The following ASH1L variants were observed in gnomAD, a reference collection of about 807,000 sequenced individuals.
ASH1L encodes the protein ASH1 like histone lysine methyltransferase.
In ASH1L, 23 loss-of-function variants were observed where a neutral mutation model predicts 269.0. The ratio of observed to expected loss-of-function variants is 0.09; its 90% confidence interval spans 0.06 to 0.12. The LOEUF (loss-of-function observed/expected upper bound fraction) is 0.12. Among genes scored for constraint, ASH1L ranks in the 10% least tolerant of loss-of-function variants. ASH1L has a pLI of 1.00. For missense variants in ASH1L, 2,912 were observed against 3,567.8 expected (o/e 0.82, Z 4.68); for synonymous variants, 1,187 against 1,253.5 (o/e 0.95, Z 1.12).
upstream of ASH1L, chr1:155,563,110 C>T (rs1270471052): frequency 2.2e-6 from 1 of 457,840 alleles, no homozygotes; most frequent in Non-Finnish European, 4.4e-6. Context: ...CGGCTCGCCT[C>T]CCTCTGCTCC....
intron 1 of ASH1L, among the ~76,000 whole-genome samples, chr1:155,553,500 C>A (rs886880395): frequency 6.6e-6 from 1 of 152,110 alleles, no homozygotes; most frequent in Non-Finnish European, 1.5e-5. Context: ...TGAAAATTTA[C>A]CGATCCAAAT....
chr1:155,546,158 C>CAAAAAAAA (rs57715557), intron 1 of ASH1L, among the ~76,000 whole-genome samples: 6 of 110,776 alleles, frequency 5.4e-5, no homozygotes, highest in Non-Finnish European at 6.9e-5. Flanking sequence ...ATTCCATCAC[C>CAAAAAAAA]AAAAAAAAAA....
At chr1:155,483,856 T>C (rs936549661) in intron 2 of ASH1L, among the ~76,000 whole-genome samples, 1 of 152,038 alleles carries the variant, frequency 6.6e-6, no homozygotes, top group Non-Finnish European at 1.5e-5. Flanking sequence ...ATCAATATAG[T>C]GCTATGGAGT....
intron 12 of ASH1L, 46 bp downstream of exon 12, chr1:155,370,458 G>A (rs1655844706): frequency 6.2e-7 from 1 of 1,609,984 alleles, no homozygotes; most frequent in East Asian, 2.2e-5. Context: ...TGCACTCAAT[G>A]CTTATTCTGC....
chr1:155,487,547 T>A (rs914489613), intron 2 of ASH1L, among the ~76,000 whole-genome samples: 1 of 151,912 alleles, frequency 6.6e-6, no homozygotes, highest in African/African-American at 2.4e-5. Context: ...TTTGTGTTGT[T>A]TTTTGTTTTT....
intron 1 of ASH1L, among the ~76,000 whole-genome samples, chr1:155,538,664 A>C (rs1198183961): frequency 1.9e-5 from 1 of 52,908 alleles, no homozygotes; most frequent in East Asian, 3.3e-4. Flanking sequence ...TTTTTTTTTT[A>C]ATAAAGACGG....
rs1164093973 is a variant in ASH1L at position 155,482,263 on chromosome 1, C to G, written c.607G>C (p.Asp203His). ...TTAAGTAATGCTCTGTCCTTTAAAT[C>G]AGGATCCCGGCTACCAAGAAGAGTA... ...PSTLLGSRDP[D>H]LKDRALLNGG... Residue 203 changes from aspartate to histidine, a missense_variant, in exon 3 of 28, where the codon GAT becomes CAT. Coordinates refer to ENST00000392403, the MANE Select transcript of ASH1L (RefSeq NM_018489.3). 6.2e-7 allele frequency: 1 copy of G among 1,614,020 alleles called. No individual in the cohort carries two copies. The highest frequency in any genetic ancestry group is 1.3e-5 in the African/African-American group (1 of 74,922).
At chr1:155,355,050 C>T (rs1654252922) in intron 15 of ASH1L, among the ~76,000 whole-genome samples, 1 of 152,050 alleles carries the variant, frequency 6.6e-6, no homozygotes, top group African/African-American at 2.4e-5. Context: ...CCATATGGTT[C>T]CCTAAACTTA....
At chr1:155,469,781 G>C (rs1177142168) in intron 3 of ASH1L, among the ~76,000 whole-genome samples, 2 of 152,136 alleles carry the variant, frequency 1.3e-5, no homozygotes, top group Non-Finnish European at 2.9e-5. Context: ...TTTCCAAACT[G>C]ATCTACCTGA....
At chr1:155,393,799 G>C (rs1166923618) in intron 7 of ASH1L, among the ~76,000 whole-genome samples, 1 of 151,958 alleles carries the variant, frequency 6.6e-6, no homozygotes, top group African/African-American at 2.4e-5. Context: ...TGATCCACCT[G>C]CCTAGGTCTC....
intron 6 of ASH1L, among the ~76,000 whole-genome samples, chr1:155,412,541 C>T (rs1659891764): frequency 6.6e-6 from 1 of 152,148 alleles, no homozygotes; most frequent in Non-Finnish European, 1.5e-5. Context: ...ATGCTCCTTC[C>T]CCAGTATATG....
At chr1:155,419,722 A>G (rs1435129931) in intron 5 of ASH1L, among the ~76,000 whole-genome samples, 2 of 152,224 alleles carry the variant, frequency 1.3e-5, no homozygotes, top group Non-Finnish European at 2.9e-5. Context: ...AAGTTTCCCT[A>G]TTATTAAGGA....
rs570052920 is a variant in ASH1L, at chr1:155,550,446, A to G, written c.-100+11707T>C. On this transcript the variant is annotated intron_variant, in intron 1 of 27. Transcript: ENST00000392403. ...AAACTAGATACCTATCAAGTCTTTA[A>G]GTCCCTATGTTATCTGGTCCCTGGC... 7.9e-5 allele frequency among the ~76,000 whole-genome samples: 12 copies of G among 152,334 alleles called. No homozygotes were observed. The South Asian group carries it at 2.3e-3, about 29-fold the overall frequency.
At chr1:155,515,920 C>T (rs1668473753) in intron 2 of ASH1L, among the ~76,000 whole-genome samples, 1 of 151,348 alleles carries the variant, frequency 6.6e-6, no homozygotes, top group African/African-American at 2.4e-5. Flanking sequence ...CAATATAACT[C>T]GGAGATTAGC....
chr1:155,472,923 T>C lies in ASH1L; in HGVS notation c.4984+4963A>G, dbSNP rs192584002. ...GTTCCTCAGAGCTACCCAAGGCTGT[T>C]TGTTTTTCACTCCCTATTCTCTCCC... On this transcript the variant is annotated intron_variant, in intron 3 of 27. Transcript: ENST00000392403. Among the ~76,000 whole-genome samples the C allele has an allele frequency of 5.7e-3, 865 of 152,292 alleles. 7 individuals carry two copies. The highest frequency in any genetic ancestry group is 0.02 in the African/African-American group (822 of 41,558).
intron 13 of ASH1L, among the ~76,000 whole-genome samples, chr1:155,358,340 A>C (rs4472748): frequency 0.94 from 142,823 of 152,080 alleles, 67,741 homozygotes; most frequent in East Asian, 1. Flanking sequence ...GTATCTCAGA[A>C]AGGTGGAGTA....
intron 2 of ASH1L, among the ~76,000 whole-genome samples, chr1:155,497,748 A>AT (rs200209564): frequency 0.035 from 5,312 of 150,224 alleles, 324 homozygotes; most frequent in African/African-American, 0.13. Context: ...AAAGAAGAAA[A>AT]TTCTTTTTTT....
chr1:155,344,367 T>C (rs556422925), intron 21 of ASH1L, 94 bp from the exon 22 acceptor site: 1 of 946,278 alleles, frequency 1.1e-6, no homozygotes, highest in Non-Finnish European at 1.6e-6. Flanking sequence ...AAACTTACTG[T>C]TTAGTCATTT....
chr1:155,441,454 CTTTTTTTTT>C (rs34682576), intron 4 of ASH1L, among the ~76,000 whole-genome samples: 90 of 73,622 alleles, frequency 1.2e-3, no homozygotes, highest in African/African-American at 4.0e-3. Context: ...ATAAAGAATC[CTTTTTTTTT>C]TTTTTTTTTT....
Sources: allele counts gnomAD v4.1 joint callset (sites outside exome capture counted in the v4.1 genomes callset), GRCh38; gene constraint gnomAD v4.1.1; transcripts MANE v1.5; gene names NCBI Gene and HGNC (gene_info 2026-07-23, HGNC 2026-07-21).